Variants in CDCA2 observed in about 807,000 individuals in gnomAD.
CDCA2 encodes cell division cycle associated 2.
In CDCA2, 44 loss-of-function variants were observed where a neutral mutation model predicts 67.0. The ratio of observed to expected loss-of-function variants is 0.66; its 90% CI spans 0.52 to 0.84. The LOEUF is 0.84. Ranked by LOEUF, CDCA2 falls within the 40% of genes least tolerant of loss-of-function variation. The pLI is 0.00. For missense variants in CDCA2, 1,253 were observed against 1,203.2 expected (o/e 1.04, Z -0.61); for synonymous variants, 447 against 418.7 (o/e 1.07, Z -0.82).
At chr8:25,479,178 C>T (rs1803469998) in intron 7 of CDCA2, among the ~76,000 whole-genome samples, 1 of 152,068 alleles carries the variant, frequency 6.6e-6, no homozygotes, top group Admixed American at 6.6e-5. Flanking sequence ...ACAGTACAGC[C>T]AAGCCACAGC....
intron 7 of CDCA2, among the ~76,000 whole-genome samples, chr8:25,473,967 CA>C (rs1006006085): frequency 2.6e-4 from 39 of 152,056 alleles, no homozygotes; most frequent in African/African-American, 9.4e-4. Flanking sequence ...TTGTCAGATA[CA>C]AAAAAAGGTT....
chr8:25,507,002 G>A lies in CDCA2; in HGVS notation c.2336G>A (p.Cys779Tyr). The part of the protein sequence containing the change: ...FLGAAEGKLQ[C>Y]NRLMPNSQKD... ...GGAGCTGCAGAAGGAAAACTGCAAT[G>A]CAATCGTTTAATGCCTAATTCACAA... Residue 779 changes from cysteine (C) to tyrosine (Y), a missense_variant, in exon 15 of 15, where the codon TGC (cysteine) becomes TAC (tyrosine). Coordinates refer to ENST00000330560, the MANE Select transcript of CDCA2 (RefSeq NM_152562.4). 6.2e-7 allele frequency: 1 copy of A among 1,614,134 alleles called. No individual in the cohort carries two copies.
rs536652297 is a variant in CDCA2, at chr8:25,491,766, G to A, written c.1671+3077G>A. On this transcript the variant is annotated intron_variant, in intron 13 of 14. Coordinates refer to ENST00000330560, the MANE Select transcript of CDCA2 (RefSeq NM_152562.4). ...TGAGTAGCTGGGACTACAGGTGCAC[G>A]CCACCACGCTTGGCTAGTGTTTTTT... Among the ~76,000 whole-genome samples, 9 of 151,980 alleles carry A rather than the reference G, an allele frequency of 5.9e-5. No homozygotes were observed. The East Asian group carries it at 7.7e-4, about 13-fold the overall frequency.
chr8:25,461,660 G>A (rs111784004), intron 3 of CDCA2, among the ~76,000 whole-genome samples: 128 of 152,324 alleles, frequency 8.4e-4, no homozygotes, highest in African/African-American at 2.9e-3. Flanking sequence ...GAGACTGCAT[G>A]TACCTAGGTG....
At chr8:25,486,934 T>C (rs1236944697) in intron 11 of CDCA2, among the ~76,000 whole-genome samples, 1 of 152,236 alleles carries the variant, frequency 6.6e-6, no homozygotes, top group East Asian at 1.9e-4. Flanking sequence ...ACAAAATGTA[T>C]CGTGGAATAA....
At chr8:25,496,872 A>G (rs1804243229) in intron 13 of CDCA2, among the ~76,000 whole-genome samples, 1 of 152,244 alleles carries the variant, frequency 6.6e-6, no homozygotes, top group African/African-American at 2.4e-5. Flanking sequence ...ATCTCTAAAC[A>G]AAATGTTTTA....
chr8:25,497,495 AAAATAAAAAAT>A lies in CDCA2; in HGVS notation c.1672-5874_1672-5864del, dbSNP rs1166228385. On this transcript the variant is annotated intron_variant, in intron 13 of 14. Transcript: ENST00000330560. Reference sequence around the variant, plus strand: ...TCTTACTTACATGTGGAATCTTTAAAAAATAAAAAATAAAAAAAAAAAAAACTCACAGAAGC... The same window carrying A: ...TCTTACTTACATGTGGAATCTTTAAAAAAAAAAAAAAAAACTCACAGAAGC... Among the ~76,000 whole-genome samples, 10 of 24,022 alleles carry A rather than the reference AAAATAAAAAAT, an allele frequency of 4.2e-4. 1 individual carries two copies. Among genetic ancestry groups the A allele is most frequent in the African/African-American group, 5.6e-4 (9 of 16,004 alleles). The allele number at this position is 24,022 out of a possible 152,430, so 15.8% of individuals were successfully genotyped here. A position where few individuals can be genotyped will look rare whatever the true frequency, so the allele number is the denominator to read the frequency against.
intron 13 of CDCA2, among the ~76,000 whole-genome samples, chr8:25,491,788 T>G (rs1212414727): frequency 6.6e-6 from 1 of 151,684 alleles, no homozygotes; most frequent in Non-Finnish European, 1.5e-5. Context: ...GGCTAGTGTT[T>G]TTTGTTTGTT....
intron 5 of CDCA2, 26 bp from the exon 6 acceptor site, chr8:25,468,191 G>A (rs759074865): frequency 1.2e-5 from 17 of 1,430,998 alleles, no homozygotes; most frequent in East Asian, 4.7e-5. Flanking sequence ...TGCCTGTGTC[G>A]TTTTGTTTTT....
At chr8:25,483,573 C>CTA in intron 9 of CDCA2, 87 bp downstream of exon 9, 1 of 886,822 alleles carries the variant, frequency 1.1e-6, no homozygotes, top group South Asian at 1.7e-5. Flanking sequence ...TTTCAATGAT[C>CTA]TATAATGCCT....
chr8:25,507,442 A>T lies in CDCA2; in HGVS notation c.2776A>T (p.Thr926Ser), dbSNP rs758733785. ...SQKAKRRTIC[T>S]FDSSGFESMS... ...AAAAGCCAAAAGAAGAACAATATGT[A>T]CATTTGACAGCAGTGGATTTGAAAG... Residue 926 changes from threonine to serine, a missense_variant, in exon 15 of 15, where the codon ACA becomes TCA. Transcript: ENST00000330560. 1 of 1,614,122 alleles carries T rather than the reference A, an allele frequency of 6.2e-7. No individual in the cohort carries two copies. Among genetic ancestry groups the T allele is most frequent in the South Asian group, 1.1e-5 (1 of 91,074 alleles).
At chr8:25,501,937 C>T (rs1383925652) in intron 13 of CDCA2, among the ~76,000 whole-genome samples, 1 of 152,144 alleles carries the variant, frequency 6.6e-6, no homozygotes, top group Admixed American at 6.5e-5. Context: ...GTCTCACTGT[C>T]GCCAGGCTGG....
chr8:25,498,015 T>TA (rs1804303522), intron 13 of CDCA2, among the ~76,000 whole-genome samples: 1 of 151,962 alleles, frequency 6.6e-6, no homozygotes, highest in Non-Finnish European at 1.5e-5. Flanking sequence ...TCAAGGGAAG[T>TA]AAAAAAGGAG....
intron 13 of CDCA2, among the ~76,000 whole-genome samples, chr8:25,489,420 G>A (rs1289814815): frequency 6.6e-6 from 1 of 152,148 alleles, no homozygotes; most frequent in Non-Finnish European, 1.5e-5. Context: ...CCTGAACTGA[G>A]TGAACTGTTT....
chr8:25,469,622 C>G (rs924910969), intron 6 of CDCA2, among the ~76,000 whole-genome samples: 1 of 152,084 alleles, frequency 6.6e-6, no homozygotes, highest in Admixed American at 6.5e-5. Flanking sequence ...TTAAACTTTT[C>G]CTGGGGAATT....
At chr8:25,504,119 A>G (rs1247802634) in intron 14 of CDCA2, among the ~76,000 whole-genome samples, 1 of 152,156 alleles carries the variant, frequency 6.6e-6, no homozygotes. Context: ...TAGAGTTGGC[A>G]CTACTGTTTT....
intron 7 of CDCA2, among the ~76,000 whole-genome samples, chr8:25,479,279 G>C (rs1220772527): frequency 6.6e-6 from 1 of 152,024 alleles, no homozygotes; most frequent in Non-Finnish European, 1.5e-5. Flanking sequence ...TATAATCCCT[G>C]CTTATTCCGT....
intron 4 of CDCA2, among the ~76,000 whole-genome samples, chr8:25,465,155 G>A (rs556317765): frequency 1.3e-5 from 2 of 152,116 alleles, no homozygotes; most frequent in South Asian, 2.1e-4. Context: ...TGTGTTTTTC[G>A]TAGAGACATG....
At position 25,469,940 on chromosome 8, in the gene CDCA2, A is replaced by G. The variant is rs756163402; in HGVS notation, c.780A>G (p.Glu260=). 2 of 1,612,066 alleles carry G rather than the reference A, an allele frequency of 1.2e-6. No homozygotes were observed. Among genetic ancestry groups the G allele is most frequent in the Non-Finnish European group, 8.5e-7 (1 of 1,178,876 alleles). Residue 260 remains glutamate (E), a synonymous_variant, in exon 7 of 15, where the codon GAA becomes GAG. Transcript: ENST00000330560. ...LGSTQSGFLV[E]ESLPLSELTE... Reference sequence around the variant, plus strand: ...CAACACAGTCTGGATTTTTAGTTGAAGAGTCTCTTCCCCTTTCAGAGCTCA... The same window carrying G: ...CAACACAGTCTGGATTTTTAGTTGAGGAGTCTCTTCCCCTTTCAGAGCTCA...
Sources: allele counts gnomAD v4.1 joint callset (sites outside exome capture counted in the v4.1 genomes callset), GRCh38; gene constraint gnomAD v4.1.1; transcripts MANE v1.5; gene names NCBI Gene and HGNC (gene_info 2026-07-23, HGNC 2026-07-21).